The following PPP2R2B variants were observed in gnomAD, a reference collection of about 807,000 sequenced individuals.
The protein encoded by PPP2R2B is protein phosphatase 2 regulatory subunit Bbeta.
A neutral mutation model predicts 46.0 loss-of-function variants in PPP2R2B; 5 were observed. That is an observed-to-expected ratio of 0.11 (90% CI 0.06 to 0.23). The LOEUF (loss-of-function observed/expected upper bound fraction) is 0.23, where lower values mean the gene tolerates loss of function less well. Among genes scored for constraint, PPP2R2B ranks in the 10% least tolerant of loss-of-function variants. PPP2R2B has a pLI of 1.00. For synonymous variants in PPP2R2B, 215 were observed against 206.7 expected (o/e 1.04, Z -0.34); for missense variants, 367 against 575.0 (o/e 0.64, Z 3.70).
chr5:146,733,366 G>A (rs1478061373), intron 2 of PPP2R2B, among the ~76,000 whole-genome samples: 1 of 151,986 alleles, frequency 6.6e-6, no homozygotes, highest in Non-Finnish European at 1.5e-5. Context: ...GGGGGTGAGG[G>A]GCTTCTTCCA....
intron 1 of PPP2R2B, among the ~76,000 whole-genome samples, chr5:146,940,935 T>C (rs1035106080): frequency 1.3e-5 from 2 of 152,216 alleles, no homozygotes; most frequent in Non-Finnish European, 2.9e-5. Flanking sequence ...GTATTCCTTG[T>C]TGAATAGTTC....
At chr5:146,985,210 A>T (rs1267209094) in intron 1 of PPP2R2B, among the ~76,000 whole-genome samples, 3 of 151,602 alleles carry the variant, frequency 2.0e-5, no homozygotes, top group Non-Finnish European at 2.9e-5. Flanking sequence ...TAGTAGAGAC[A>T]GGGTTTCACC....
intron 2 of PPP2R2B, among the ~76,000 whole-genome samples, chr5:146,867,885 C>A (rs1268971061): frequency 1.3e-5 from 2 of 152,180 alleles, no homozygotes; most frequent in African/African-American, 2.4e-5. Context: ...AATTTTCTTT[C>A]CTACTTTATA....
intron 6 of PPP2R2B, among the ~76,000 whole-genome samples, chr5:146,641,649 T>C (rs1775228845): frequency 6.6e-6 from 1 of 152,020 alleles, no homozygotes; most frequent in Admixed American, 6.6e-5. Context: ...AAGTGACTTA[T>C]GGGGATGATG....
chr5:146,955,831 T>C (rs935621682), intron 1 of PPP2R2B, among the ~76,000 whole-genome samples: 2 of 143,594 alleles, frequency 1.4e-5, no homozygotes, highest in African/African-American at 5.3e-5. Context: ...CAGGCAGGAG[T>C]GCAGTGGCAT....
intron 2 of PPP2R2B, among the ~76,000 whole-genome samples, chr5:146,797,157 C>A (rs942542165): frequency 1.3e-5 from 2 of 152,112 alleles, no homozygotes; most frequent in African/African-American, 4.8e-5. Flanking sequence ...TCTTACATAC[C>A]CCTTTTCAGC....
chr5:147,021,265 T>G (rs370203977), intron 1 of PPP2R2B, among the ~76,000 whole-genome samples: 12 of 151,940 alleles, frequency 7.9e-5, no homozygotes, highest in African/African-American at 2.7e-4. Flanking sequence ...AACCCTGGGG[T>G]AAGAAAGGGG....
At chr5:147,001,299 C>T (rs546309857) in intron 1 of PPP2R2B, among the ~76,000 whole-genome samples, 4 of 152,288 alleles carry the variant, frequency 2.6e-5, no homozygotes, top group Non-Finnish European at 4.4e-5. Flanking sequence ...TCTTTGGGTC[C>T]GCACTACCTT....
intron 1 of PPP2R2B, among the ~76,000 whole-genome samples, chr5:146,937,076 C>T (rs1582460478): frequency 6.6e-6 from 1 of 152,018 alleles, no homozygotes; most frequent in Non-Finnish European, 1.5e-5. Context: ...CCAAGGCGGG[C>T]GGATGACCTG....
chr5:146,718,516 G>T (rs746325554), intron 2 of PPP2R2B, among the ~76,000 whole-genome samples: 1 of 152,116 alleles, frequency 6.6e-6, no homozygotes, highest in Non-Finnish European at 1.5e-5. Flanking sequence ...GAGTGTAGCA[G>T]AACTATGGGA....
intron 2 of PPP2R2B, among the ~76,000 whole-genome samples, chr5:146,710,223 A>G (rs911206466): frequency 1.3e-5 from 2 of 152,116 alleles, no homozygotes; most frequent in Non-Finnish European, 2.9e-5. Flanking sequence ...ACCTAGCCAC[A>G]CCCTCTTTAG....
chr5:146,825,612 C>G (rs895220892), intron 2 of PPP2R2B, among the ~76,000 whole-genome samples: 1 of 152,178 alleles, frequency 6.6e-6, no homozygotes, highest in African/African-American at 2.4e-5. Context: ...ATTGAAATAA[C>G]TGAATTCAAA....
chr5:146,600,147 C>T (rs1262743028), intron 8 of PPP2R2B, 144 bp downstream of exon 8: 1 of 856,286 alleles, frequency 1.2e-6, no homozygotes, highest in Non-Finnish European at 1.8e-6. Context: ...TCCTGTGGCA[C>T]TTATAGCCTG....
At chr5:146,753,142 C>T (rs2151240180) in intron 2 of PPP2R2B, among the ~76,000 whole-genome samples, 1 of 152,246 alleles carries the variant, frequency 6.6e-6, no homozygotes, top group South Asian at 2.1e-4. Context: ...AGCAGCTGCT[C>T]CATGACAGAA....
intron 5 of PPP2R2B, among the ~76,000 whole-genome samples, chr5:146,665,360 T>C (rs559059929): frequency 2.0e-5 from 3 of 152,338 alleles, no homozygotes; most frequent in Admixed American, 1.3e-4. Context: ...CTTCATGTTG[T>C]ACTTTTATTT....
intron 5 of PPP2R2B, among the ~76,000 whole-genome samples, chr5:146,656,944 T>C (rs1440171699): frequency 2.6e-5 from 4 of 152,170 alleles, no homozygotes; most frequent in African/African-American, 9.7e-5. Flanking sequence ...GCCTCTCCTC[T>C]TGGGAAATAC....
chr5:147,036,160 T>C (rs1227660004), intron 1 of PPP2R2B, among the ~76,000 whole-genome samples: 1 of 152,122 alleles, frequency 6.6e-6, no homozygotes, highest in Non-Finnish European at 1.5e-5. Flanking sequence ...ATGCTCTCCA[T>C]CCTCCCACCC....
intron 1 of PPP2R2B, among the ~76,000 whole-genome samples, chr5:146,937,044 G>A (rs1764167310): frequency 6.6e-6 from 1 of 152,150 alleles, no homozygotes; most frequent in Non-Finnish European, 1.5e-5. Context: ...GCTCACGTCT[G>A]TAATCCCAGC....
chr5:147,036,595 T>C (rs966453416), intron 1 of PPP2R2B, among the ~76,000 whole-genome samples: 1 of 152,216 alleles, frequency 6.6e-6, no homozygotes, highest in East Asian at 1.9e-4. Context: ...TGCCACACTG[T>C]CTTCCACAAT....
Sources: allele counts gnomAD v4.1 joint callset (sites outside exome capture counted in the v4.1 genomes callset), GRCh38; gene constraint gnomAD v4.1.1; transcripts MANE v1.5; gene names NCBI Gene and HGNC (gene_info 2026-07-23, HGNC 2026-07-21).